Variants in HDLBP observed in about 807,000 individuals in gnomAD.
The protein encoded by HDLBP is vigilin.
A neutral mutation model predicts 137.3 loss-of-function variants in HDLBP; 30 were observed. The observed-to-expected ratio is 0.22, with a 90% CI of 0.16 to 0.30. The LOEUF is 0.30. Ranked by LOEUF, HDLBP falls within the 10% of genes least tolerant of loss-of-function variation. The pLI is 1.00. For missense variants in HDLBP, 1,119 were observed against 1,667.3 expected (o/e 0.67, Z 5.73); for synonymous variants, 606 against 596.0 (o/e 1.02, Z -0.24).
intron 11 of HDLBP, 134 bp from the exon 12 acceptor site, chr2:241,250,114 T>C (rs1256457226): frequency 1.2e-6 from 1 of 849,264 alleles, no homozygotes; most frequent in East Asian, 2.7e-5. Context: ...GATGCTTAGC[T>C]TCCCAAACAA....
At position 241,313,082 on chromosome 2, in the gene HDLBP, G is replaced by A. The variant is rs151179968; in HGVS notation, c.-103+2488C>T. 4.3e-4 allele frequency among the ~76,000 whole-genome samples: 66 copies of A among 152,226 alleles called. No homozygotes were observed. In the East Asian group the frequency reaches 0.01, roughly 24 times the overall value. ...GCACCACCTGGAAAAACTCTTACTC[G>A]TCTTTTAAACCGCAGTTCAAGGACC... On this transcript the variant is annotated intron_variant, in intron 1 of 27. Transcript: ENST00000310931.
chr2:241,305,656 G>C (rs2075544299), intron 1 of HDLBP, among the ~76,000 whole-genome samples: 1 of 152,174 alleles, frequency 6.6e-6, no homozygotes, highest in Non-Finnish European at 1.5e-5. Flanking sequence ...GACACTGCCA[G>C]ATGTGCCCTG....
intron 17 of HDLBP, among the ~76,000 whole-genome samples, chr2:241,242,188 C>A (rs940224685): frequency 6.6e-6 from 1 of 152,130 alleles, no homozygotes; most frequent in Admixed American, 6.5e-5. Flanking sequence ...TGAAGAATGG[C>A]CAATTTTACT....
intron 1 of HDLBP, among the ~76,000 whole-genome samples, chr2:241,283,370 G>A (rs1393485873): frequency 6.6e-6 from 1 of 152,148 alleles, no homozygotes; most frequent in Non-Finnish European, 1.5e-5. Context: ...ATTTAGCTAA[G>A]GTCACTGATG....
rs1402691943 is a variant in HDLBP, at chr2:241,315,582, TATAAGC to T, written c.-121_-116del. ...AGATTCTCATTACCTGTTCCACTCT[TATAAGC>T]ATAAGAAAACCGAGCTCATAAGGTA... On this transcript the variant is annotated 5_prime_UTR_variant, in exon 1 of 28. An upstream start codon of the reference 5' UTR is lost. Transcript: ENST00000310931. 6.6e-6 allele frequency: 1 copy of T among 152,272 alleles called. No homozygotes were observed. Among genetic ancestry groups the T allele is most frequent in the Non-Finnish European group, 1.5e-5 (1 of 68,100 alleles). The allele number at this position is 152,272 out of a possible 1,614,324, so 9.4% of individuals were successfully genotyped here.
Position 241,238,474 on chromosome 2 carries a change from G to T in HDLBP, c.2749+175C>A. On this transcript the variant is annotated intron_variant, in intron 20 of 27. Coordinates refer to ENST00000310931, the MANE Select transcript of HDLBP (RefSeq NM_005336.6). This position sits in a 1 kb window ranked among gnomAD's most constrained non-coding sequence, Gnocchi z 4.9. ...CCTGGTCACTCTGTCAGTAACTGAC[G>T]TGGTCCATCTTTTAAAGGCCAGGGA... 4.1e-6 allele frequency: 2 copies of T among 483,564 alleles called. No homozygotes were observed. Among genetic ancestry groups the T allele is most frequent in the East Asian group, 3.1e-5 (1 of 32,326 alleles). The allele number at this position is 483,564 out of a possible 1,614,324, so 30.0% of individuals were successfully genotyped here.
chr2:241,315,282 G>GC (rs16842495), intron 1 of HDLBP: 5,124 of 152,256 alleles, frequency 0.034, 510 homozygotes, highest in Admixed American at 0.19. Flanking sequence ...TCCCAGAGAG[G>GC]CCCCCCGATC....
At chr2:241,255,679 G>A in intron 7 of HDLBP, 99 bp from the exon 8 acceptor site, 2 of 854,454 alleles carry the variant, frequency 2.3e-6, no homozygotes, top group Non-Finnish European at 4.0e-6. Flanking sequence ...AAGCGGCCCA[G>A]ACTATAGATG....
In HDLBP at chr2:241,249,914, A is replaced by G. The variant is rs1222304781; in HGVS notation, c.1439T>C (p.Leu480Ser). 3.1e-6 allele frequency: 5 copies of G among 1,614,032 alleles called. No homozygotes were observed. The African/African-American group carries it at 4.0e-5, about 13-fold the overall frequency. The change falls in exon 12 of 28, where the codon TTG becomes TCG. Residue 480 changes from leucine to serine, a missense_variant. Physicochemically the swap from Leu to Ser is moderately radical, Grantham distance 145 (BLOSUM62 -2). Around this residue, in one of 4 missense-constraint regions of HDLBP, gnomAD observed 425 missense variants for 693.9 expected, o/e 0.61. Transcript: ENST00000310931. The part of the protein sequence containing the change: ...RIPPDSEKSN[L>S]IRIEGDPQGV... ...CTGTGGGTCCCCCTCGATGCGGATCAAATTGCTCTTCTCACTGTCAGGAGG... is the reference window on the plus strand; with the variant it reads ...CTGTGGGTCCCCCTCGATGCGGATCGAATTGCTCTTCTCACTGTCAGGAGG...
chr2:241,231,795 G>C (rs1329433910), intron 24 of HDLBP, among the ~76,000 whole-genome samples: 1 of 152,148 alleles, frequency 6.6e-6, no homozygotes, highest in African/African-American at 2.4e-5. Context: ...AGGGCATAGA[G>C]AAGGAAACGT....
rs2070831004 is a variant in HDLBP, at chr2:241,238,538, T to C, written c.2749+111A>G. 2.3e-6 allele frequency: 2 copies of C among 870,954 alleles called. No individual in the cohort carries two copies. The highest frequency in any genetic ancestry group is 2.7e-5 in the Admixed American group (1 of 36,604). The allele number at this position is 870,954 out of a possible 1,614,324, so 54.0% of individuals were successfully genotyped here. On this transcript the variant is annotated intron_variant, in intron 20 of 27. Coordinates refer to ENST00000310931, the MANE Select transcript of HDLBP (RefSeq NM_005336.6). This position sits in a 1 kb window ranked among gnomAD's most constrained non-coding sequence, Gnocchi z 4.9. Reference sequence around the variant, plus strand: ...TCTGGAAGCCCCCAGAATACATAGATGGTTTTCCAGCAGAGACAGGAAAGA... The same window carrying C: ...TCTGGAAGCCCCCAGAATACATAGACGGTTTTCCAGCAGAGACAGGAAAGA...
chr2:241,299,887 C>G (rs935940200), intron 1 of HDLBP, among the ~76,000 whole-genome samples: 1 of 150,956 alleles, frequency 6.6e-6, no homozygotes, highest in Middle Eastern at 3.4e-3. Context: ...TGCACTCCAG[C>G]CTGGGGGACA....
intron 1 of HDLBP, chr2:241,279,937 T>C (rs933109835): frequency 2.0e-6 from 2 of 985,308 alleles, no homozygotes; most frequent in Non-Finnish European, 2.4e-6. Context: ...TGCTTTAACT[T>C]ATCACCTGAC....
intron 21 of HDLBP, chr2:241,236,273 TCA>T (rs2070419589): frequency 3.1e-6 from 1 of 319,964 alleles, no homozygotes; most frequent in Admixed American, 4.6e-5. Context: ...ATAACCCCAC[TCA>T]CGCGGGGGGA....
chr2:241,256,424 G>C, intron 6 of HDLBP, 25 bp from the exon 7 acceptor site: 1 of 1,582,400 alleles, frequency 6.3e-7, no homozygotes, highest in Non-Finnish European at 8.6e-7. Context: ...ATGATCTGAT[G>C]AGAACAGGCC....
Position 241,230,466 on chromosome 2 carries a change from A to G in HDLBP, c.3475-197T>C, listed in dbSNP as rs892065646. ...CAGGAGCACCTTGTTCCCAGCAGAC[A>G]GAGGGCCGCAGCACGTACTGTGCGC... On this transcript the variant is annotated intron_variant, in intron 25 of 27. Transcript: ENST00000310931. The surrounding 1 kb of genome is among the most constrained non-coding windows in gnomAD (Gnocchi z 5.0). Among the ~76,000 whole-genome samples, 10 of 152,256 alleles carry G rather than the reference A, an allele frequency of 6.6e-5. No individual in the cohort carries two copies. The highest frequency in any genetic ancestry group is 2.4e-4 in the African/African-American group (10 of 41,466).
rs139434649 is a variant in HDLBP, at chr2:241,312,520, A to G, written c.-103+3050T>C. Reference sequence around the variant, plus strand: ...TTGAAGAGAAAAAGCATTCTGACACATTATACTGGTTGGGGTTCTCTGCTT... The same window carrying G: ...TTGAAGAGAAAAAGCATTCTGACACGTTATACTGGTTGGGGTTCTCTGCTT... On this transcript the variant is annotated intron_variant, in intron 1 of 27. Transcript: ENST00000310931. 2.0e-3 allele frequency among the ~76,000 whole-genome samples: 305 copies of G among 152,354 alleles called. 1 individual carries two copies. Among genetic ancestry groups the G allele is most frequent in the African/African-American group, 6.4e-3 (267 of 41,592 alleles).
At position 241,255,154 on chromosome 2, in the gene HDLBP, T is replaced by C. The variant is rs1223649745; in HGVS notation, c.1085A>G (p.Asn362Ser). Residue 362 changes from asparagine (N) to serine (S), a missense_variant, in exon 9 of 28, where the codon AAT becomes AGT. This residue lies in a region of HDLBP where 425 missense variants were observed against 693.9 expected (regional missense o/e 0.61). Coordinates refer to ENST00000310931, the MANE Select transcript of HDLBP (RefSeq NM_005336.6). Reference protein sequence around the residue: ...QALTEVYAKANSFTVSSVAAP... With the variant: ...QALTEVYAKASSFTVSSVAAP... The stretch of plus-strand genomic sequence containing the variant: ...GGCGACAGAGGAGACGGTGAAGCTA[T>C]TGGCCTAAGAAAATGGGAGAACAGC... 13 of 1,613,936 alleles carry C rather than the reference T, an allele frequency of 8.1e-6. No homozygotes were observed. The highest frequency in any genetic ancestry group is 2.2e-5 in the South Asian group (2 of 91,062).
intron 1 of HDLBP, among the ~76,000 whole-genome samples, chr2:241,279,236 A>G (rs1354949330): frequency 2.0e-5 from 3 of 152,198 alleles, no homozygotes; most frequent in African/African-American, 7.2e-5. Flanking sequence ...CCCAAAAGGT[A>G]TGTGTGTGTA....
Sources: gnomAD v4.1 joint callset for allele counts (sites outside exome capture counted in the v4.1 genomes callset) on GRCh38, gnomAD v4.1.1 for gene constraint, gnomAD v4.1.1 regional missense constraint, Gnocchi (gnomAD v3.1) non-coding constraint, MANE v1.5 for transcripts, NCBI Gene and HGNC (gene_info 2026-07-23, HGNC 2026-07-21) for gene names.